Variants in ABCB5 observed in about 807,000 individuals in gnomAD.
ABCB5 encodes the protein ATP binding cassette subfamily B member 5.
Under a neutral mutation model 144.2 loss-of-function variants are expected in ABCB5, and 155 were observed. The observed-to-expected ratio is 1.08, with a 90% CI of 0.94 to 1.23. The LOEUF (loss-of-function observed/expected upper bound fraction) is 1.23. Among genes scored for constraint, ABCB5 ranks in the 50% most tolerant of loss-of-function variants. ABCB5 has a pLI of 0.00. For synonymous variants in ABCB5, 610 were observed against 528.6 expected, an observed-to-expected ratio of 1.15 and a Z score of -2.11; for missense variants, 1,830 against 1,520.8, an observed-to-expected ratio of 1.20 and a Z score of -3.38.
intron 26 of ABCB5, among the ~76,000 whole-genome samples, chr7:20,751,180 G>C (rs1378429732): frequency 2.6e-5 from 4 of 152,116 alleles, no homozygotes; most frequent in Non-Finnish European, 5.9e-5. Context: ...AGGTGATTTC[G>C]GGGCACTCAC....
At chr7:20,657,983 T>A (rs1452798438) in intron 13 of ABCB5, among the ~76,000 whole-genome samples, 2 of 152,196 alleles carry the variant, frequency 1.3e-5, no homozygotes, top group Non-Finnish European at 2.9e-5. Context: ...AAGATAAATT[T>A]ATTTTAAAAC....
chr7:20,665,388 C>T (rs1000249626), intron 14 of ABCB5, among the ~76,000 whole-genome samples: 1 of 152,106 alleles, frequency 6.6e-6, no homozygotes, highest in South Asian at 2.1e-4. Context: ...GAACCCATGT[C>T]GACCCAGAAG....
intron 20 of ABCB5, among the ~76,000 whole-genome samples, chr7:20,718,071 T>G (rs572300130): frequency 6.9e-6 from 1 of 144,692 alleles, no homozygotes; most frequent in African/African-American, 2.7e-5. Context: ...CTGGCTAATT[T>G]TTTTGTGGTT....
At chr7:20,642,978 A>G (rs1784325553) in intron 5 of ABCB5, among the ~76,000 whole-genome samples, 1 of 152,216 alleles carries the variant, frequency 6.6e-6, no homozygotes, top group South Asian at 2.1e-4. Flanking sequence ...AATTTCTGAT[A>G]ATAATGTAAA....
intron 2 of ABCB5, among the ~76,000 whole-genome samples, chr7:20,623,891 AG>A (rs1210100815): frequency 5.9e-5 from 9 of 152,228 alleles, no homozygotes; most frequent in African/African-American, 2.2e-4. Context: ...AAACTGGAGA[AG>A]ATCCCTCCAG....
chr7:20,647,211 G>A (rs780504915), intron 9 of ABCB5: 131 of 952,706 alleles, frequency 1.4e-4, no homozygotes, highest in Non-Finnish European at 1.6e-4. Flanking sequence ...TTTATACATG[G>A]TCAGCACACT....
At chr7:20,739,192 C>G (rs1393815761) in intron 24 of ABCB5, 53 bp downstream of exon 24, 3 of 1,471,162 alleles carry the variant, frequency 2.0e-6, no homozygotes, top group African/African-American at 3.0e-5. Context: ...ACAGTAGGAA[C>G]TGGGGGCCAC....
chr7:20,648,391 C>T (rs1010890692), intron 11 of ABCB5, among the ~76,000 whole-genome samples: 4 of 152,154 alleles, frequency 2.6e-5, no homozygotes, highest in Admixed American at 2.6e-4. Context: ...GATGCTACCC[C>T]ACTCAACATA....
intron 26 of ABCB5, among the ~76,000 whole-genome samples, chr7:20,750,704 T>A (rs1782896374): frequency 6.6e-6 from 1 of 152,094 alleles, no homozygotes. Context: ...AATTCTTAAA[T>A]ACAGATAACT....
intron 20 of ABCB5, among the ~76,000 whole-genome samples, chr7:20,708,846 T>C (rs1366204800): frequency 6.6e-6 from 1 of 152,240 alleles, no homozygotes. Flanking sequence ...TAACCATCAG[T>C]TGTAATGTAT....
intron 1 of ABCB5, among the ~76,000 whole-genome samples, chr7:20,619,928 G>A (rs1339337671): frequency 6.6e-6 from 1 of 152,074 alleles, no homozygotes; most frequent in Non-Finnish European, 1.5e-5. Flanking sequence ...ATTTTTTGGA[G>A]TCATTTCCCC....
At chr7:20,732,198 T>C (rs1003282937) in intron 23 of ABCB5, among the ~76,000 whole-genome samples, 2 of 152,160 alleles carry the variant, frequency 1.3e-5, no homozygotes, top group Admixed American at 6.5e-5. Flanking sequence ...ATTCTCTGCC[T>C]GGAATGGTCA....
At chr7:20,743,953 G>T (rs369856022) in intron 25 of ABCB5, among the ~76,000 whole-genome samples, 1 of 152,032 alleles carries the variant, frequency 6.6e-6, no homozygotes, top group Admixed American at 6.6e-5. Flanking sequence ...CCATCAATCA[G>T]GTCCTTCATG....
chr7:20,660,284 A>G lies in ABCB5; in HGVS notation c.1707+1608A>G, dbSNP rs561895159. ...AATGAAGGCAATATATGAAAATAAT[A>G]ACAGCTATGTGGCATAATTATGGGG... On this transcript the variant is annotated intron_variant, in intron 14 of 27. Transcript: ENST00000404938. 3.2e-5 allele frequency: 32 copies of G among 985,388 alleles called. No homozygotes were observed. The African/African-American group carries it at 5.1e-4, about 16-fold the overall frequency. The allele number at this position is 985,388 out of a possible 1,614,324, so 61.0% of individuals were successfully genotyped here.
intron 15 of ABCB5, among the ~76,000 whole-genome samples, chr7:20,682,239 T>G (rs1785854529): frequency 6.6e-6 from 1 of 152,138 alleles, no homozygotes; most frequent in African/African-American, 2.4e-5. Flanking sequence ...AAAACTTGTA[T>G]GTGGAAGATA....
chr7:20,663,278 G>C (rs1487762672), intron 14 of ABCB5, among the ~76,000 whole-genome samples: 1 of 152,186 alleles, frequency 6.6e-6, no homozygotes, highest in Non-Finnish European at 1.5e-5. Flanking sequence ...GGGTCTCAAA[G>C]AGATATTGGT....
chr7:20,711,857 C>CTTTTCTTTCTTTT (rs1562573868), intron 20 of ABCB5, among the ~76,000 whole-genome samples: 1 of 70,466 alleles, frequency 1.4e-5, no homozygotes, highest in Non-Finnish European at 2.7e-5. Context: ...TTCTTTCTTT[C>CTTTTCTTTCTTTT]TTTCCTTCCT....
At chr7:20,656,700 G>C (rs1429163795) in intron 13 of ABCB5, among the ~76,000 whole-genome samples, 2 of 151,942 alleles carry the variant, frequency 1.3e-5, no homozygotes, top group African/African-American at 4.8e-5. Context: ...CAATTTGGCA[G>C]TTTATTATAA....
intron 14 of ABCB5, 74 bp from the exon 15 acceptor site, chr7:20,681,429 CAA>C: frequency 6.6e-7 from 1 of 1,515,580 alleles, no homozygotes. Flanking sequence ...GCCGGGTCAA[CAA>C]AGATTTCTTA....
Sources: allele counts gnomAD v4.1 joint callset (sites outside exome capture counted in the v4.1 genomes callset), GRCh38; gene constraint gnomAD v4.1.1; transcripts MANE v1.5; gene names NCBI Gene and HGNC (gene_info 2026-07-23, HGNC 2026-07-21).